Variants in DLG2 observed in about 807,000 individuals in gnomAD.
DLG2 encodes the protein disks large homolog 2.
A neutral mutation model predicts 132.5 loss-of-function variants in DLG2; 45 were observed. The observed-to-expected ratio is 0.34, with a 90% confidence interval of 0.27 to 0.44. The LOEUF (loss-of-function observed/expected upper bound fraction) is 0.44, where lower values mean the gene tolerates loss of function less well. Among genes scored for constraint, DLG2 ranks in the 20% least tolerant of loss-of-function variants. The pLI, the probability that DLG2 is intolerant of heterozygous loss-of-function variation, is 1.00. For missense variants in DLG2, 1,045 were observed against 1,196.9 expected (o/e 0.87, Z 1.87); for synonymous variants, 424 against 419.6 (o/e 1.01, Z -0.13).
intron 6 of DLG2, among the ~76,000 whole-genome samples, chr11:84,916,456 C>A: frequency 6.7e-6 from 1 of 149,876 alleles, no homozygotes; most frequent in Admixed American, 6.6e-5. Context: ...AAAACCCACA[C>A]ACCACACCTA....
At chr11:84,814,225 C>A (rs1330403571) in intron 6 of DLG2, among the ~76,000 whole-genome samples, 1 of 152,012 alleles carries the variant, frequency 6.6e-6, no homozygotes, top group Non-Finnish European at 1.5e-5. Context: ...GCCAAGGAGT[C>A]TCTGAGCCTA....
At chr11:85,463,789 A>G (rs1282370020) in intron 3 of DLG2, among the ~76,000 whole-genome samples, 1 of 152,062 alleles carries the variant, frequency 6.6e-6, no homozygotes, top group East Asian at 1.9e-4. Context: ...AAAATTTTAA[A>G]AAACCTCGTC....
At position 83,798,160 on chromosome 11, in the gene DLG2, C is replaced by T. The variant is rs950296125; in HGVS notation, c.1723-11368G>A. 7.2e-5 allele frequency among the ~76,000 whole-genome samples: 11 copies of T among 152,294 alleles called. No individual in the cohort carries two copies. The South Asian group carries it at 2.3e-3, about 32-fold the overall frequency. On this transcript the variant is annotated intron_variant, in intron 17 of 27. Coordinates refer to ENST00000376104, the MANE Select transcript of DLG2 (RefSeq NM_001142699.3). ...CATCTGCCTGCTCTGAAAGCAGTGTCCTGGGAAGAATACTGGGTTTAGACC... is the reference window on the plus strand; with the variant it reads ...CATCTGCCTGCTCTGAAAGCAGTGTTCTGGGAAGAATACTGGGTTTAGACC...
At chr11:84,153,941 C>T (rs1336970028) in intron 9 of DLG2, among the ~76,000 whole-genome samples, 1 of 152,186 alleles carries the variant, frequency 6.6e-6, no homozygotes, top group Non-Finnish European at 1.5e-5. Flanking sequence ...TTCTTTCTCA[C>T]CTGAGACGGC....
intron 3 of DLG2, among the ~76,000 whole-genome samples, chr11:85,564,936 T>C (rs1210782010): frequency 6.6e-6 from 1 of 152,072 alleles, no homozygotes; most frequent in Non-Finnish European, 1.5e-5. Context: ...TTTTATAGTT[T>C]TCAGTGAACA....
intron 7 of DLG2, among the ~76,000 whole-genome samples, chr11:84,308,448 C>T (rs575461854): frequency 2.0e-5 from 3 of 152,340 alleles, no homozygotes; most frequent in Non-Finnish European, 4.4e-5. Context: ...CATAAAGGTT[C>T]TCCAAGTCCC....
At position 84,176,010 on chromosome 11, in the gene DLG2, A is replaced by T. The variant is rs1211050632; in HGVS notation, c.574-12499T>A. Reference sequence around the variant, plus strand: ...CTAACATTTTTAGATTATGGTAACAACAGTATTATTAATTTTCATACTATT... The same window carrying T: ...CTAACATTTTTAGATTATGGTAACATCAGTATTATTAATTTTCATACTATT... On this transcript the variant is annotated intron_variant, in intron 8 of 27. Coordinates refer to ENST00000376104, the MANE Select transcript of DLG2 (RefSeq NM_001142699.3). 4.6e-5 allele frequency among the ~76,000 whole-genome samples: 7 copies of T among 152,094 alleles called. No homozygotes were observed. In the East Asian group the frequency reaches 1.3e-3, roughly 29 times the overall value.
At chr11:83,999,699 A>G (rs2094240863) in intron 11 of DLG2, among the ~76,000 whole-genome samples, 1 of 152,188 alleles carries the variant, frequency 6.6e-6, no homozygotes, top group South Asian at 2.1e-4. Context: ...ACTTCATCGT[A>G]TCCTCCACTT....
At chr11:85,424,659 C>A (rs1024685510) in intron 3 of DLG2, among the ~76,000 whole-genome samples, 1 of 152,140 alleles carries the variant, frequency 6.6e-6, no homozygotes, top group African/African-American at 2.4e-5. Flanking sequence ...TAGTGAAGCA[C>A]TAGGTATTAT....
chr11:83,679,164 T>G (rs1830565205), intron 18 of DLG2, among the ~76,000 whole-genome samples: 1 of 152,190 alleles, frequency 6.6e-6, no homozygotes. Flanking sequence ...ACATTAGTAG[T>G]ATATTTAAAC....
chr11:83,963,580 C>T (rs182833287), intron 13 of DLG2, among the ~76,000 whole-genome samples: 211 of 152,036 alleles, frequency 1.4e-3, no homozygotes, highest in African/African-American at 4.9e-3. Context: ...TTTCTCTCTC[C>T]TCAAATCCAT....
intron 3 of DLG2, among the ~76,000 whole-genome samples, chr11:85,314,680 G>T (rs565233810): frequency 3.9e-5 from 6 of 151,916 alleles, no homozygotes; most frequent in Admixed American, 1.3e-4. Context: ...GCAAAGAAAC[G>T]TGCAAAGCAA....
chr11:85,254,450 C>T (rs1385631352), intron 4 of DLG2, among the ~76,000 whole-genome samples: 3 of 152,080 alleles, frequency 2.0e-5, no homozygotes, highest in South Asian at 4.1e-4. Context: ...GCATTATTAA[C>T]GATTTGCTTT....
intron 6 of DLG2, among the ~76,000 whole-genome samples, chr11:84,967,278 G>A (rs1169109745): frequency 6.6e-6 from 1 of 152,036 alleles, no homozygotes; most frequent in South Asian, 2.1e-4. Flanking sequence ...AATTGGAAAG[G>A]TCATTTCATA....
chr11:84,427,642 A>G (rs991894666), intron 7 of DLG2, among the ~76,000 whole-genome samples: 1 of 152,186 alleles, frequency 6.6e-6, no homozygotes, highest in Non-Finnish European at 1.5e-5. Flanking sequence ...ATTTTTCTCA[A>G]TCTTCTTAAA....
chr11:83,907,500 T>G (rs2075241086), intron 15 of DLG2, among the ~76,000 whole-genome samples: 1 of 152,130 alleles, frequency 6.6e-6, no homozygotes, highest in Non-Finnish European at 1.5e-5. Flanking sequence ...AGATACCCTC[T>G]CTAAGCTTCA....
chr11:85,470,546 A>ATC (rs2092952505), intron 3 of DLG2, among the ~76,000 whole-genome samples: 1 of 152,106 alleles, frequency 6.6e-6, no homozygotes, highest in South Asian at 2.1e-4. Flanking sequence ...CACATGGTGA[A>ATC]ACCCCATCTC....
At position 84,483,216 on chromosome 11, in the gene DLG2, T is replaced by C. The variant is rs59157009; in HGVS notation, c.519+51354A>G. 1.7e-3 allele frequency among the ~76,000 whole-genome samples: 265 copies of C among 152,214 alleles called. 1 individual carries two copies. Among genetic ancestry groups the C allele is most frequent in the African/African-American group, 6.2e-3 (256 of 41,538 alleles). ...GGGAGGCCGAGGCGGGCTCATCACC[T>C]GAGGTCAGGAGTTCAAGACCAGCCT... On this transcript the variant is annotated intron_variant, in intron 7 of 27. Transcript: ENST00000376104.
chr11:84,783,101 TA>T (rs1220149769), intron 6 of DLG2, among the ~76,000 whole-genome samples: 4 of 151,956 alleles, frequency 2.6e-5, no homozygotes, highest in African/African-American at 9.7e-5. Context: ...GTCAAAGACT[TA>T]AAAAAAATCA....
Sources: allele counts gnomAD v4.1 joint callset (sites outside exome capture counted in the v4.1 genomes callset), GRCh38; gene constraint gnomAD v4.1.1; transcripts MANE v1.5; gene names NCBI Gene and HGNC (gene_info 2026-07-23, HGNC 2026-07-21).